Variants in MYO1G observed in about 807,000 individuals in gnomAD.
MYO1G encodes the protein unconventional myosin-Ig.
Under a neutral mutation model 115.3 loss-of-function variants are expected in MYO1G, and 65 were observed. The observed-to-expected ratio is 0.56, with a 90% CI of 0.46 to 0.69. MYO1G has a LOEUF of 0.69. Ranked by LOEUF, MYO1G falls within the 30% of genes least tolerant of loss-of-function variation. The probability of loss-of-function intolerance (pLI) is 0.00; values close to 1 mark genes in which losing one functional copy is unlikely to be tolerated. For missense variants in MYO1G, 1,204 were observed against 1,393.5 expected (o/e 0.86, Z 2.16); for synonymous variants, 510 against 552.6 (o/e 0.92, Z 1.08).
rs148751315 is a variant in MYO1G, at chr7:44,964,447, C to G, written c.2599G>C (p.Gly867Arg). The change falls in exon 19 of 22, where the codon GGG becomes CGG. Residue 867 changes from glycine to arginine, a missense_variant. Transcript: ENST00000258787. The surrounding 1 kb of genome is among the most constrained non-coding windows in gnomAD (Gnocchi z 5.1). ...ACATGGCTTGAAAAGAGCACAGCCCCGAAGCCATCTTTGTCCTGAAGTGTC... is the reference window on the plus strand; with the variant it reads ...ACATGGCTTGAAAAGAGCACAGCCCGGAAGCCATCTTTGTCCTGAAGTGTC... ...LKTLQDKDGFGAVLFSSHVRK... is the reference protein window; with the variant it reads ...LKTLQDKDGFRAVLFSSHVRK... 2 of 1,613,656 alleles carry G rather than the reference C, an allele frequency of 1.2e-6. No individual in the cohort carries two copies. Among genetic ancestry groups the G allele is most frequent in the Non-Finnish European group, 1.7e-6 (2 of 1,179,792 alleles).
Position 44,964,407 on chromosome 7 carries a change from T to C in MYO1G, c.2631+8A>G, listed in dbSNP as rs1448835221. 2 of 1,610,338 alleles carry C rather than the reference T, an allele frequency of 1.2e-6. No homozygotes were observed. The highest frequency in any genetic ancestry group is 1.3e-5 in the African/African-American group (1 of 74,924). On this transcript the variant is annotated splice_region_variant and intron_variant, in intron 19 of 21. Transcript: ENST00000258787. This position sits in a 1 kb window ranked among gnomAD's most constrained non-coding sequence, Gnocchi z 5.1. ...CAGCCCTGAAGCCATCCTTGTCCCT[T>C]GTCTAACCTTGCGGACATGGCTTGA...
At position 44,971,087 on chromosome 7, in the gene MYO1G, C is replaced by G. The variant is rs377729364; in HGVS notation, c.847-28G>C. On this transcript the variant is annotated intron_variant, in intron 7 of 21. Coordinates refer to ENST00000258787, the MANE Select transcript of MYO1G (RefSeq NM_033054.3). ...GGTGATGGGAAAACCATGAACAGTC[C>G]GGGCTCCATGTCTCAAAAGAGCCTG... 9 of 1,581,730 alleles carry G rather than the reference C, an allele frequency of 5.7e-6. No individual in the cohort carries two copies. The African/African-American group carries it at 1.1e-4, about 19-fold the overall frequency.
rs1258042505 is a variant in MYO1G, at chr7:44,969,466, C to G, written c.1521G>C (p.Lys507Asn). ...YTSRQLCPTDKTMEFGRDFRI... is the reference protein window; with the variant it reads ...YTSRQLCPTDNTMEFGRDFRI... Reference sequence around the variant, plus strand: ...GGAAGTCTCGGCCAAACTCCATGGTCTTGTCTGTGGGGCAGAGCTATGGGG... The same window carrying G: ...GGAAGTCTCGGCCAAACTCCATGGTGTTGTCTGTGGGGCAGAGCTATGGGG... Residue 507 changes from lysine (K) to asparagine (N), a missense_variant, in exon 12 of 22, where the codon AAG becomes AAC. Physicochemically the swap from Lys to Asn is moderately conservative, Grantham distance 94. Transcript: ENST00000258787. This position sits in a 1 kb window ranked among gnomAD's most constrained non-coding sequence, Gnocchi z 5.0. The G allele has an allele frequency of 6.2e-7, 1 of 1,613,924 alleles. No homozygotes were observed. Among genetic ancestry groups the G allele is most frequent in the South Asian group, 1.1e-5 (1 of 91,076 alleles).
At position 44,965,799 on chromosome 7, in the gene MYO1G, A is replaced by G. The variant is rs905006130; in HGVS notation, c.2219T>C (p.Met740Thr). The change falls in exon 17 of 22, where the codon ATG becomes ACG. Residue 740 changes from methionine to threonine, a missense_variant. Physicochemically the swap from Met to Thr is moderately conservative, Grantham distance 81 (BLOSUM62 -1). Transcript: ENST00000258787. ...CRRLRAIYTI[M>T]RWFRRHKVRA... ...CACCTTGTGTCTCCGGAACCAGCGC[A>G]TGATGGTGTAGATAGCCCTCAGCCT... The G allele has an allele frequency of 1.9e-6, 3 of 1,604,244 alleles. No individual in the cohort carries two copies. Among genetic ancestry groups the G allele is most frequent in the Admixed American group, 1.7e-5 (1 of 60,014 alleles).
At position 44,964,623 on chromosome 7, in the gene MYO1G, C is replaced by G; in HGVS notation, c.2527-104G>C. 1.0e-6 allele frequency: 1 copy of G among 992,276 alleles called. No individual in the cohort carries two copies. The highest frequency in any genetic ancestry group is 1.6e-6 in the Non-Finnish European group (1 of 632,428). 61.5% of individuals were successfully genotyped at this position (992,276 alleles called of 1,614,324 possible). On this transcript the variant is annotated intron_variant, in intron 18 of 21. Transcript: ENST00000258787. This position sits in a 1 kb window ranked among gnomAD's most constrained non-coding sequence, Gnocchi z 5.1. ...GAATCAGCATAGCTATCCTTCATCT[C>G]GGGAAACTGAGTCACACAGACTTGT...
Position 44,966,373 on chromosome 7 carries a change from A to C in MYO1G, c.1950-93T>G. The C allele has an allele frequency of 1.7e-6, 2 of 1,156,698 alleles. No individual in the cohort carries two copies. The highest frequency in any genetic ancestry group is 2.5e-6 in the Non-Finnish European group (2 of 802,672). The allele number at this position is 1,156,698 out of a possible 1,614,324, so 71.7% of individuals were successfully genotyped here. A position where few individuals can be genotyped will look rare whatever the true frequency, so the allele number is the denominator to read the frequency against. On this transcript the variant is annotated intron_variant, in intron 15 of 21. Coordinates refer to ENST00000258787, the MANE Select transcript of MYO1G (RefSeq NM_033054.3). This position sits in a 1 kb window ranked among gnomAD's most constrained non-coding sequence, Gnocchi z 5.0. Reference sequence around the variant, plus strand: ...CCCCACACCTGGGGAGATGGCAGGGATACAGAGTGTGTTCCTGGAGCACTT... The same window carrying C: ...CCCCACACCTGGGGAGATGGCAGGGCTACAGAGTGTGTTCCTGGAGCACTT...
chr7:44,972,318 C>A, intron 5 of MYO1G, 93 bp from the exon 6 acceptor site: 2 of 952,266 alleles, frequency 2.1e-6, no homozygotes, highest in South Asian at 2.7e-5. Flanking sequence ...CTTGCGCTTC[C>A]TTCCAGTATT....
chr7:44,972,077 T>A (rs762137094), intron 6 of MYO1G, 38 bp downstream of exon 6: 1 of 1,519,036 alleles, frequency 6.6e-7, no homozygotes, highest in South Asian at 1.1e-5. Flanking sequence ...GCCCTGACAC[T>A]GAGCCCAGTT....
intron 7 of MYO1G, among the ~76,000 whole-genome samples, 178 bp from the exon 8 acceptor site, chr7:44,971,237 AGG>A (rs1794953177): frequency 6.6e-6 from 1 of 152,174 alleles, no homozygotes; most frequent in African/African-American, 2.4e-5. Flanking sequence ...GACTGGGGGA[AGG>A]GGGCATGGGC....
At position 44,963,046 on chromosome 7, in the gene MYO1G, A is replaced by C; in HGVS notation, c.2824T>G (p.Cys942Gly). ...AATGGCGGCCGGGAGCGGTGCAGGC[A>C]CACCACGAGGTCGTCCTGGCCGCGG... ...HARGQDDLVV[C>G]LHRSRPPLDN... Residue 942 changes from cysteine to glycine, a missense_variant, in exon 21 of 22, where the codon TGC becomes GGC. Coordinates refer to ENST00000258787, the MANE Select transcript of MYO1G (RefSeq NM_033054.3). This position sits in a 1 kb window ranked among gnomAD's most constrained non-coding sequence, Gnocchi z 4.1. 1 of 1,528,796 alleles carries C rather than the reference A, an allele frequency of 6.5e-7. No individual in the cohort carries two copies. The allele number at this position is 1,528,796 out of a possible 1,614,324, so 94.7% of individuals were successfully genotyped here.
intron 5 of MYO1G, 143 bp from the exon 6 acceptor site, chr7:44,972,368 G>C: frequency 1.6e-6 from 1 of 643,874 alleles, no homozygotes; most frequent in Non-Finnish European, 2.8e-6. Context: ...AGTGTGAACA[G>C]TTTCTGTGTG....
chr7:44,966,584 C>T lies in MYO1G; in HGVS notation c.1949+88G>A, dbSNP rs762015453. Reference sequence around the variant, plus strand: ...TTCCTGCTTGTATCGATGTTTGCGACGTGCTGTTTGGGGACCCTCTGCTCC... The same window carrying T: ...TTCCTGCTTGTATCGATGTTTGCGATGTGCTGTTTGGGGACCCTCTGCTCC... On this transcript the variant is annotated intron_variant, in intron 15 of 21. Coordinates refer to ENST00000258787, the MANE Select transcript of MYO1G (RefSeq NM_033054.3). The surrounding 1 kb of genome is among the most constrained non-coding windows in gnomAD (Gnocchi z 5.0). 1.5e-5 allele frequency: 22 copies of T among 1,509,184 alleles called. No individual in the cohort carries two copies. The highest frequency in any genetic ancestry group is 1.1e-4 in the African/African-American group (8 of 72,746). 93.5% of individuals were successfully genotyped at this position (1,509,184 alleles called of 1,614,324 possible).
Position 44,966,548 on chromosome 7 carries a change from C to T in MYO1G, c.1949+124G>A, listed in dbSNP as rs1044444643. ...AGATATTTTGGTGTCTTGAGGCCAGCAGCGTGCTGGTTCCTGCTTGTATCG... is the reference window on the plus strand; with the variant it reads ...AGATATTTTGGTGTCTTGAGGCCAGTAGCGTGCTGGTTCCTGCTTGTATCG... On this transcript the variant is annotated intron_variant, in intron 15 of 21. Coordinates refer to ENST00000258787, the MANE Select transcript of MYO1G (RefSeq NM_033054.3). The surrounding 1 kb of genome is among the most constrained non-coding windows in gnomAD (Gnocchi z 5.0). The T allele has an allele frequency of 1.4e-5, 17 of 1,239,030 alleles. No homozygotes were observed. The highest frequency in any genetic ancestry group is 1.9e-5 in the Non-Finnish European group (16 of 860,066). The allele number at this position is 1,239,030 out of a possible 1,614,324, so 76.8% of individuals were successfully genotyped here. A position where few individuals can be genotyped will look rare whatever the true frequency, so the allele number is the denominator to read the frequency against.
chr7:44,969,479 C>A lies in MYO1G; in HGVS notation c.1508G>T (p.Cys503Phe). Reference protein sequence around the residue: ...HHLHYTSRQLCPTDKTMEFGR... With the variant: ...HHLHYTSRQLFPTDKTMEFGR... ...AAACTCCATGGTCTTGTCTGTGGGG[C>A]AGAGCTATGGGGACAGGCTGAGGTC... Residue 503 changes from cysteine (C) to phenylalanine (F), a missense_variant, in exon 12 of 22, where the codon TGC (cysteine) becomes TTC (phenylalanine). Coordinates refer to ENST00000258787, the MANE Select transcript of MYO1G (RefSeq NM_033054.3). This position sits in a 1 kb window ranked among gnomAD's most constrained non-coding sequence, Gnocchi z 5.0. 6.8e-6 allele frequency: 11 copies of A among 1,613,854 alleles called. No individual in the cohort carries two copies. Among genetic ancestry groups the A allele is most frequent in the Non-Finnish European group, 9.3e-6 (11 of 1,180,008 alleles).
rs1340059873 is a variant in MYO1G at position 44,963,269 on chromosome 7, G to A, written c.2746-145C>T. ...TCGCCAGGGCCACCAGCCCCCCACC[G>A]CCCCCTCCTCCCTCTCGGGGCCCTG... On this transcript the variant is annotated intron_variant, in intron 20 of 21. Coordinates refer to ENST00000258787, the MANE Select transcript of MYO1G (RefSeq NM_033054.3). This position sits in a 1 kb window ranked among gnomAD's most constrained non-coding sequence, Gnocchi z 4.1. 67 of 904,000 alleles carry A rather than the reference G, an allele frequency of 7.4e-5. No individual in the cohort carries two copies. The highest frequency in any genetic ancestry group is 3.5e-4 in the Middle Eastern group (1 of 2,862). The allele number at this position is 904,000 out of a possible 1,614,324, so 56.0% of individuals were successfully genotyped here. A position where few individuals can be genotyped will look rare whatever the true frequency, so the allele number is the denominator to read the frequency against.
rs1234875645 is a variant in MYO1G, at chr7:44,975,212, G to C, written c.580C>G (p.Gln194Glu). ...YLLEKSRVLK[Q>E]HVGERNFHAF... is the part of the protein sequence containing the mutation. ...TGGAAGTTTCTTTCACCCACGTGCT[G>C]CTTGAGGACCCGAGACTGAGGAGAG... The change falls in exon 5 of 22, where the codon CAG (glutamine) becomes GAG (glutamate). Residue 194 changes from glutamine to glutamate, a missense_variant. By Grantham distance (29) the Gln-to-Glu change is conservative. Coordinates refer to ENST00000258787, the MANE Select transcript of MYO1G (RefSeq NM_033054.3). 2 of 1,614,082 alleles carry C rather than the reference G, an allele frequency of 1.2e-6. No homozygotes were observed. The highest frequency in any genetic ancestry group is 1.7e-6 in the Non-Finnish European group (2 of 1,179,996).
At chr7:44,978,556 G>A (rs1795124199) in intron 1 of MYO1G, among the ~76,000 whole-genome samples, 2 of 152,198 alleles carry the variant, frequency 1.3e-5, no homozygotes, top group Admixed American at 6.5e-5. Flanking sequence ...TCATGCCCTG[G>A]CCCCGTCGGG....
chr7:44,967,414 C>T (rs1794866152), intron 14 of MYO1G, among the ~76,000 whole-genome samples, 191 bp downstream of exon 14: 2 of 152,220 alleles, frequency 1.3e-5, no homozygotes, highest in Non-Finnish European at 2.9e-5. Context: ...CTCAGCCCAG[C>T]CCCTGAGGCC....
chr7:44,969,643 A>G lies in MYO1G; in HGVS notation c.1503+62T>C, dbSNP rs113009551. 3.2e-3 allele frequency: 5,144 copies of G among 1,596,112 alleles called. 135 individuals are homozygous for G. In the African/African-American group the frequency reaches 0.06, roughly 19 times the overall value. Reference sequence around the variant, plus strand: ...CCAGGCCCCACGAGGCATGGGCAGCATGGTGCCTGTGGGGCAGGTCCCACC... The same window carrying G: ...CCAGGCCCCACGAGGCATGGGCAGCGTGGTGCCTGTGGGGCAGGTCCCACC... On this transcript the variant is annotated intron_variant, in intron 11 of 21. Transcript: ENST00000258787. This position sits in a 1 kb window ranked among gnomAD's most constrained non-coding sequence, Gnocchi z 5.0.
Sources: allele counts gnomAD v4.1 joint callset (sites outside exome capture counted in the v4.1 genomes callset), GRCh38; gene constraint gnomAD v4.1.1; non-coding constraint Gnocchi (gnomAD v3.1); transcripts MANE v1.5; gene names NCBI Gene and HGNC (gene_info 2026-07-23, HGNC 2026-07-21).